Variants in SNX29 observed in about 807,000 individuals in gnomAD.
SNX29 encodes the protein sorting nexin-29.
A neutral mutation model predicts 102.1 loss-of-function variants in SNX29; 78 were observed. The observed-to-expected ratio is 0.76, with a 90% confidence interval of 0.64 to 0.92. SNX29 has a LOEUF of 0.92. Ranked by LOEUF, SNX29 falls within the 40% of genes least tolerant of loss-of-function variation. SNX29 has a pLI of 0.00. For missense variants in SNX29, 1,280 were observed against 1,061.7 expected, an observed-to-expected ratio of 1.21 and a Z score of -2.86; for synonymous variants, 580 against 414.5, an observed-to-expected ratio of 1.40 and a Z score of -4.85.
At chr16:12,346,320 G>GT (rs1268249320) in intron 15 of SNX29, among the ~76,000 whole-genome samples, 1 of 152,128 alleles carries the variant, frequency 6.6e-6, no homozygotes, top group African/African-American at 2.4e-5. Flanking sequence ...GATAATCATG[G>GT]TAATTAACAT....
chr16:12,543,382 A>ATTATCCAGAAGG (rs2077432230), intron 20 of SNX29, among the ~76,000 whole-genome samples: 1 of 152,130 alleles, frequency 6.6e-6, no homozygotes, highest in Admixed American at 6.5e-5. Context: ...ACTGAACATG[A>ATTATCCAGAAGG]TTATCCAGAA....
intron 11 of SNX29, among the ~76,000 whole-genome samples, chr16:12,113,362 C>G (rs762069050): frequency 2.0e-5 from 3 of 152,132 alleles, no homozygotes; most frequent in Non-Finnish European, 4.4e-5. Context: ...CGGGCTGGAA[C>G]CTGGCCCCTC....
intron 14 of SNX29, among the ~76,000 whole-genome samples, chr16:12,262,245 T>C (rs1412539444): frequency 1.3e-5 from 2 of 152,244 alleles, no homozygotes; most frequent in Non-Finnish European, 2.9e-5. Context: ...ATGTTAGAAC[T>C]GAAATTGACT....
chr16:12,165,050 G>A (rs2055955732), intron 13 of SNX29, among the ~76,000 whole-genome samples: 1 of 152,186 alleles, frequency 6.6e-6, no homozygotes, highest in Non-Finnish European at 1.5e-5. Context: ...TTGCCATCAT[G>A]TGAGTGAATC....
rs368546291 is a variant in SNX29 at position 12,555,964 on chromosome 16, C to T, written c.2319-12542C>T. ...ACATCACACCAACTTGTAACACCAT[C>T]TGCGTGGCTTTCAATTTTCAAGTGT... On this transcript the variant is annotated intron_variant, in intron 20 of 20. Transcript: ENST00000566228. 1.3e-4 allele frequency among the ~76,000 whole-genome samples: 20 copies of T among 151,362 alleles called. No homozygotes were observed. The South Asian group carries it at 2.3e-3, about 18-fold the overall frequency.
chr16:12,534,319 C>G (rs376596375), intron 20 of SNX29, among the ~76,000 whole-genome samples: 461 of 152,346 alleles, frequency 3.0e-3, no homozygotes, highest in African/African-American at 0.011. Context: ...ATGAGGGCCT[C>G]TGTGCCCAGC....
chr16:12,318,034 C>G (rs766123121), intron 15 of SNX29, among the ~76,000 whole-genome samples: 1 of 152,244 alleles, frequency 6.6e-6, no homozygotes, highest in African/African-American at 2.4e-5. Flanking sequence ...GGAGGACTGA[C>G]CTTGTGTTCG....
rs373388004 is a variant in SNX29, at chr16:12,058,083, G to A, written c.1125-3445G>A. ...GATCTGCCCACCTTGGCCTCCCAAA[G>A]TGCTGGGATTACAGGTGTGAGCCAT... On this transcript the variant is annotated intron_variant, in intron 8 of 20. Coordinates refer to ENST00000566228, the MANE Select transcript of SNX29 (RefSeq NM_032167.5). 4.1e-4 allele frequency among the ~76,000 whole-genome samples: 63 copies of A among 152,202 alleles called. 3 individuals are homozygous for A. The South Asian group carries it at 0.013, about 31-fold the overall frequency.
At chr16:12,454,542 G>C (rs1416361594) in intron 18 of SNX29, among the ~76,000 whole-genome samples, 3 of 152,142 alleles carry the variant, frequency 2.0e-5, no homozygotes, top group Non-Finnish European at 4.4e-5. Flanking sequence ...GGCCACAGGT[G>C]CTGCTGGCGA....
chr16:12,393,339 A>G lies in SNX29; in HGVS notation c.1900-5107A>G, dbSNP rs923424212. 2.1e-5 allele frequency among the ~76,000 whole-genome samples: 3 copies of G among 142,068 alleles called. No homozygotes were observed. The South Asian group carries it at 6.8e-4, about 32-fold the overall frequency. The allele number at this position is 142,068 out of a possible 152,430, so 93.2% of individuals were successfully genotyped here. ...TTGAATTTGCTACAAAGCAATCTAA[A>G]AATCTGTTGGCATTTCAGGGTGGAA... On this transcript the variant is annotated intron_variant, in intron 16 of 20. Coordinates refer to ENST00000566228, the MANE Select transcript of SNX29 (RefSeq NM_032167.5).
intron 14 of SNX29, among the ~76,000 whole-genome samples, chr16:12,243,596 T>G (rs1338440591): frequency 1.3e-5 from 2 of 152,188 alleles, no homozygotes; most frequent in African/African-American, 4.8e-5. Context: ...GAAGACAATT[T>G]TTTCATGGAC....
intron 1 of SNX29, among the ~76,000 whole-genome samples, chr16:11,990,850 C>A (rs2055821394): frequency 6.6e-6 from 1 of 152,188 alleles, no homozygotes; most frequent in Non-Finnish European, 1.5e-5. Flanking sequence ...TCTACAAACT[C>A]CGACACTATT....
chr16:12,070,321 TC>T (rs1237926666), intron 10 of SNX29, among the ~76,000 whole-genome samples: 2 of 101,048 alleles, frequency 2.0e-5, no homozygotes, highest in Non-Finnish European at 3.9e-5. Flanking sequence ...ATGCTATCCC[TC>T]CCCCCTCCCC....
At chr16:12,551,794 GCA>G (rs1170160536) in intron 20 of SNX29, among the ~76,000 whole-genome samples, 6 of 152,170 alleles carry the variant, frequency 3.9e-5, no homozygotes, top group African/African-American at 1.4e-4. Context: ...AAGCACATGG[GCA>G]TCAAACTTCT....
Position 12,052,050 on chromosome 16 carries a change from A to G in SNX29, c.952A>G (p.Ser318Gly), listed in dbSNP as rs2050328327. The change falls in exon 8 of 21, where the codon AGT (serine) becomes GGT (glycine). Residue 318 changes from serine (S) to glycine (G), a missense_variant. Coordinates refer to ENST00000566228, the MANE Select transcript of SNX29 (RefSeq NM_032167.5). ...CCCCTTCGGGCCTAACTCCAATGGA[A>G]GTCAGAGCAGCAACTCATGGAAAAT... is the stretch of plus-strand genomic sequence containing the variant. ...ESPFGPNSNGSQSSNSWKIDS... is the reference protein window; with the variant it reads ...ESPFGPNSNGGQSSNSWKIDS... 1 of 1,613,878 alleles carries G rather than the reference A, an allele frequency of 6.2e-7. No homozygotes were observed. Among genetic ancestry groups the G allele is most frequent in the Admixed American group, 1.7e-5 (1 of 59,998 alleles).
intron 16 of SNX29, among the ~76,000 whole-genome samples, chr16:12,356,495 T>C (rs2082141018): frequency 6.6e-6 from 1 of 152,216 alleles, no homozygotes; most frequent in African/African-American, 2.4e-5. Flanking sequence ...TGTTTCTCCT[T>C]CTAGTCATCT....
Position 12,089,842 on chromosome 16 carries a change from C to T in SNX29, c.1402+10927C>T, listed in dbSNP as rs572512176. On this transcript the variant is annotated intron_variant, in intron 11 of 20. Coordinates refer to ENST00000566228, the MANE Select transcript of SNX29 (RefSeq NM_032167.5). ...CACTCAGCAGTGCGTTCCTTCCGTCCTTCACTGCTCCTTCCCTCCGCCCTC... is the reference window on the plus strand; with the variant it reads ...CACTCAGCAGTGCGTTCCTTCCGTCTTTCACTGCTCCTTCCCTCCGCCCTC... 236 of 401,210 alleles carry T rather than the reference C, an allele frequency of 5.9e-4. 2 individuals carry two copies. The highest frequency in any genetic ancestry group is 4.2e-3 in the South Asian group (232 of 55,092). 24.9% of individuals were successfully genotyped at this position (401,210 alleles called of 1,614,324 possible). A position where few individuals can be genotyped will look rare whatever the true frequency, so the allele number is the denominator to read the frequency against.
At chr16:12,567,870 T>G (rs2079077307) in intron 20 of SNX29, among the ~76,000 whole-genome samples, 1 of 152,162 alleles carries the variant, frequency 6.6e-6, no homozygotes, top group South Asian at 2.1e-4. Flanking sequence ...CTAAAAAATG[T>G]GCCGAGGGCC....
chr16:12,551,669 G>A (rs758245636), intron 20 of SNX29, among the ~76,000 whole-genome samples: 3 of 152,208 alleles, frequency 2.0e-5, no homozygotes, highest in Non-Finnish European at 4.4e-5. Context: ...CCGTTCCTGT[G>A]CAGTAGGATA....
Sources: allele counts gnomAD v4.1 joint callset (sites outside exome capture counted in the v4.1 genomes callset), GRCh38; gene constraint gnomAD v4.1.1; transcripts MANE v1.5; gene names NCBI Gene and HGNC (gene_info 2026-07-23, HGNC 2026-07-21).